AKNAD1: variants seen among roughly 807,000 people sequenced by gnomAD.
The protein encoded by AKNAD1 is AKNA domain containing 1.
A neutral mutation model predicts 90.8 loss-of-function variants in AKNAD1; 67 were observed. The ratio of observed to expected loss-of-function variants is 0.74; its 90% CI spans 0.61 to 0.90. The LOEUF (loss-of-function observed/expected upper bound fraction) is 0.90. Among genes scored for constraint, AKNAD1 ranks in the 40% least tolerant of loss-of-function variants. AKNAD1 has a pLI of 0.00. For synonymous variants in AKNAD1, 327 were observed against 341.4 expected (o/e 0.96, Z 0.46); for missense variants, 957 against 975.4 (o/e 0.98, Z 0.25).
At chr1:108,825,405 T>A (rs1663963009) in intron 11 of AKNAD1, among the ~76,000 whole-genome samples, 1 of 151,736 alleles carries the variant, frequency 6.6e-6, no homozygotes, top group African/African-American at 2.4e-5. Context: ...TAGTTCCTTA[T>A]CTATAAAATA....
intron 3 of AKNAD1, among the ~76,000 whole-genome samples, 175 bp from the exon 4 acceptor site, chr1:108,849,235 C>T (rs777705549): frequency 6.6e-6 from 1 of 152,108 alleles, no homozygotes; most frequent in African/African-American, 2.4e-5. Context: ...AATCCCAGCA[C>T]TTTGGGAGGC....
intron 15 of AKNAD1, 156 bp downstream of exon 15, chr1:108,816,892 G>C: frequency 1.3e-6 from 1 of 798,986 alleles, no homozygotes; most frequent in Non-Finnish European, 1.9e-6. Flanking sequence ...TGCTGAGGCT[G>C]TGTGTCTTTA....
intron 1 of AKNAD1, among the ~76,000 whole-genome samples, chr1:108,853,201 G>A (rs374893409): frequency 2.8e-5 from 4 of 143,866 alleles, no homozygotes; most frequent in East Asian, 4.0e-4. Flanking sequence ...ACACAATCTC[G>A]GCTCACTGCA....
intron 10 of AKNAD1, among the ~76,000 whole-genome samples, chr1:108,829,621 T>C (rs1277225): frequency 0.49 from 73,979 of 151,872 alleles, 18,125 homozygotes; most frequent in East Asian, 0.57. Context: ...ACGAGCTTCA[T>C]GCAGTTTCTT....
At chr1:108,818,889 G>A (rs1471158672) in intron 14 of AKNAD1, among the ~76,000 whole-genome samples, 1 of 151,626 alleles carries the variant, frequency 6.6e-6, no homozygotes, top group Non-Finnish European at 1.5e-5. Flanking sequence ...CTTGAACCTG[G>A]TGGGGCAGAG....
Position 108,816,218 on chromosome 1 carries a change from C to T in AKNAD1, c.2464G>A (p.Glu822Lys), listed in dbSNP as rs1333498811. 1 of 1,613,744 alleles carries T rather than the reference C, an allele frequency of 6.2e-7. No individual in the cohort carries two copies. The highest frequency in any genetic ancestry group is 1.1e-5 in the South Asian group (1 of 90,984). ...CACCTCTGTGCTTTAGCAAGGTCTT[C>T]TGCAATCGTTTTAATCATTTGATCT... ...TTDQMIKTIAEDLAKAQRWRN... is the reference protein window; with the variant it reads ...TTDQMIKTIAKDLAKAQRWRN... Residue 822 changes from glutamate (E) to lysine (K), a missense_variant, in exon 16 of 16, where the codon GAA (glutamate) becomes AAA (lysine). Physicochemically the swap from Glu to Lys is moderately conservative, Grantham distance 56. Coordinates refer to ENST00000370001, the MANE Select transcript of AKNAD1 (RefSeq NM_152763.5).
At chr1:108,852,977 G>C (rs1266474555) in intron 1 of AKNAD1, among the ~76,000 whole-genome samples, 1 of 151,758 alleles carries the variant, frequency 6.6e-6, no homozygotes, top group Admixed American at 6.6e-5. Context: ...AAAAAAAAGA[G>C]AGTGTTACAT....
intron 7 of AKNAD1, among the ~76,000 whole-genome samples, chr1:108,836,490 G>C (rs1219714001): frequency 1.3e-5 from 2 of 152,006 alleles, no homozygotes; most frequent in Admixed American, 6.6e-5. Flanking sequence ...TGGGGGGCTT[G>C]GGGGTGAGGA....
intron 5 of AKNAD1, among the ~76,000 whole-genome samples, chr1:108,844,467 G>C (rs1284325178): frequency 6.6e-6 from 1 of 152,024 alleles, no homozygotes; most frequent in Non-Finnish European, 1.5e-5. Context: ...GAGAGAGAGA[G>C]ACCTTTGCCA....
chr1:108,852,551 CT>C lies in AKNAD1; in HGVS notation c.113del (p.Lys38ArgfsTer7). 1 of 1,614,082 alleles carries C rather than the reference CT, an allele frequency of 6.2e-7. No homozygotes were observed. The highest frequency in any genetic ancestry group is 8.5e-7 in the Non-Finnish European group (1 of 1,180,004). ...IGNDYSFTSKKDGLEVLNQII... is the reference protein window; with the variant it reads ...IGNDYSFTSKXDGLEVLNQII... Reference sequence around the variant, plus strand: ...TTTGATTTAAGACTTCAAGGCCATCCTTTTTTGAGGTAAAACTGTAATCATT... The same window carrying C: ...TTTGATTTAAGACTTCAAGGCCATCCTTTTTGAGGTAAAACTGTAATCATT... On this transcript the variant is annotated frameshift_variant, in exon 2 of 16. Coordinates refer to ENST00000370001, the MANE Select transcript of AKNAD1 (RefSeq NM_152763.5). LOFTEE classifies it high-confidence loss of function.
chr1:108,849,847 G>T (rs1219672015), intron 2 of AKNAD1, among the ~76,000 whole-genome samples: 3 of 152,182 alleles, frequency 2.0e-5, no homozygotes, highest in African/African-American at 7.2e-5. Context: ...AGGATGAAAT[G>T]TTAAATATCT....
At chr1:108,830,877 G>A (rs905208934) in intron 9 of AKNAD1, 6 of 587,988 alleles carry the variant, frequency 1.0e-5, no homozygotes, top group South Asian at 2.0e-5. Flanking sequence ...TCGGGGCTGC[G>A]CCTCTAATGG....
chr1:108,825,318 C>T (rs771959577), intron 11 of AKNAD1, among the ~76,000 whole-genome samples: 34 of 151,688 alleles, frequency 2.2e-4, no homozygotes, highest in Non-Finnish European at 4.1e-4. Flanking sequence ...TACTTTGTTA[C>T]ACAGCTATAG....
intron 5 of AKNAD1, among the ~76,000 whole-genome samples, chr1:108,846,247 G>A (rs1557836157): frequency 1.3e-5 from 2 of 152,164 alleles, no homozygotes; most frequent in Non-Finnish European, 2.9e-5. Context: ...CCAGACCACA[G>A]GCTGATAATG....
chr1:108,833,757 C>T (rs1334856412), intron 9 of AKNAD1, among the ~76,000 whole-genome samples: 1 of 147,492 alleles, frequency 6.8e-6, no homozygotes, highest in Non-Finnish European at 1.5e-5. Context: ...TTTATCATTG[C>T]TGAGCTTACA....
intron 1 of AKNAD1, among the ~76,000 whole-genome samples, chr1:108,855,735 G>A (rs374474110): frequency 2.0e-5 from 3 of 151,752 alleles, no homozygotes; most frequent in South Asian, 2.1e-4. Context: ...GCAGTGAGCC[G>A]AGATCATGCC....
Position 108,823,694 on chromosome 1 carries a change from A to G in AKNAD1, c.1937-6T>C, listed in dbSNP as rs1488763418. 1 of 1,614,092 alleles carries G rather than the reference A, an allele frequency of 6.2e-7. No individual in the cohort carries two copies. Among genetic ancestry groups the G allele is most frequent in the African/African-American group, 1.3e-5 (1 of 75,036 alleles). The stretch of plus-strand genomic sequence containing the variant: ...GCTGTGTCCTGTATCAGAATCTGAA[A>G]AAGCCCAAGTTGCATGAATGAAGGG... On this transcript the variant is annotated splice_region_variant and splice_polypyrimidine_tract_variant and intron_variant, in intron 11 of 15. Coordinates refer to ENST00000370001, the MANE Select transcript of AKNAD1 (RefSeq NM_152763.5).
chr1:108,849,827 G>A (rs1226250290), intron 2 of AKNAD1, among the ~76,000 whole-genome samples: 1 of 152,134 alleles, frequency 6.6e-6, no homozygotes, highest in African/African-American at 2.4e-5. Context: ...TGCCTCAGGG[G>A]GTTGTTATGA....
intron 1 of AKNAD1, among the ~76,000 whole-genome samples, chr1:108,855,203 A>G (rs192171334): frequency 4.0e-5 from 6 of 149,028 alleles, no homozygotes; most frequent in Admixed American, 2.7e-4. Flanking sequence ...CACGAGGTCA[A>G]GAGATGGAGG....
Sources: gnomAD v4.1 joint callset for allele counts (sites outside exome capture counted in the v4.1 genomes callset) on GRCh38, gnomAD v4.1.1 for gene constraint, MANE v1.5 for transcripts, NCBI Gene and HGNC (gene_info 2026-07-23, HGNC 2026-07-21) for gene names.